ADAM29: variants seen among roughly 807,000 people sequenced by gnomAD.
The protein encoded by ADAM29 is ADAM metallopeptidase domain 29, also known as disintegrin and metalloproteinase domain-containing protein 29.
For synonymous variants in ADAM29, 367 were observed against 342.3 expected (o/e 1.07, Z -0.80); for missense variants, 969 against 1,001.8 (o/e 0.97, Z 0.44).
intron 4 of ADAM29, among the ~76,000 whole-genome samples, chr4:174,959,166 A>G (rs1745670351): frequency 6.6e-6 from 1 of 151,728 alleles, no homozygotes. Flanking sequence ...TTCTGCTGTC[A>G]ATGTCATTAG....
intron 4 of ADAM29, among the ~76,000 whole-genome samples, chr4:174,945,846 T>A (rs1421425869): frequency 3.3e-5 from 5 of 152,170 alleles, no homozygotes; most frequent in Non-Finnish European, 7.4e-5. Flanking sequence ...ATTTCTTTAA[T>A]CTATGTGTCT....
At chr4:174,939,252 G>A (rs1420580783) in intron 4 of ADAM29, among the ~76,000 whole-genome samples, 4 of 152,090 alleles carry the variant, frequency 2.6e-5, no homozygotes, top group Non-Finnish European at 2.9e-5. Context: ...TACTCATAAA[G>A]ATATACTTTC....
chr4:174,973,808 G>A (rs1203267880), intron 4 of ADAM29, among the ~76,000 whole-genome samples: 1 of 152,130 alleles, frequency 6.6e-6, no homozygotes, highest in Non-Finnish European at 1.5e-5. Context: ...CCACTTTGAC[G>A]CCTGAAGATG....
At chr4:174,927,204 C>T (rs1743570636) in intron 2 of ADAM29, among the ~76,000 whole-genome samples, 1 of 152,178 alleles carries the variant, frequency 6.6e-6, no homozygotes, top group Admixed American at 6.5e-5. Context: ...GTTCATTATA[C>T]ACTCGCTATC....
chr4:174,952,350 CCACACACA>C (rs70947476), intron 4 of ADAM29, among the ~76,000 whole-genome samples: 88 of 144,972 alleles, frequency 6.1e-4, no homozygotes, highest in Middle Eastern at 3.6e-3. Context: ...AGTGCAATAA[CCACACACA>C]CACACACACA....
chr4:174,937,802 G>A (rs945221094), intron 4 of ADAM29, among the ~76,000 whole-genome samples: 2 of 151,994 alleles, frequency 1.3e-5, no homozygotes, highest in Non-Finnish European at 2.9e-5. Context: ...CATATAAGAA[G>A]GATCTCAGAA....
intron 2 of ADAM29, among the ~76,000 whole-genome samples, chr4:174,923,374 C>A (rs1743278533): frequency 6.6e-6 from 1 of 151,654 alleles, no homozygotes; most frequent in African/African-American, 2.4e-5. Context: ...ACAATTATAA[C>A]TTAAATGGCC....
At chr4:174,973,592 T>C (rs910256848) in intron 4 of ADAM29, among the ~76,000 whole-genome samples, 3 of 152,208 alleles carry the variant, frequency 2.0e-5, no homozygotes, top group African/African-American at 7.2e-5. Flanking sequence ...ACTTTCTATT[T>C]TAGAAGATAG....
intron 3 of ADAM29, among the ~76,000 whole-genome samples, chr4:174,935,176 G>T (rs1468155870): frequency 1.3e-5 from 2 of 152,176 alleles, no homozygotes; most frequent in Admixed American, 6.6e-5. Flanking sequence ...AACTTCCTTA[G>T]ATAAGATCTC....
intron 4 of ADAM29, among the ~76,000 whole-genome samples, chr4:174,962,966 C>T (rs1265964404): frequency 6.6e-6 from 1 of 152,056 alleles, no homozygotes; most frequent in Non-Finnish European, 1.5e-5. Flanking sequence ...CCACCCAAAT[C>T]CACTGAAAAA....
At chr4:174,941,430 T>A (rs917817640) in intron 4 of ADAM29, among the ~76,000 whole-genome samples, 2 of 152,200 alleles carry the variant, frequency 1.3e-5, no homozygotes, top group African/African-American at 2.4e-5. Flanking sequence ...GACTGGCTAA[T>A]TTATAAAGAA....
At chr4:174,949,742 C>G (rs1745065289) in intron 4 of ADAM29, among the ~76,000 whole-genome samples, 1 of 152,118 alleles carries the variant, frequency 6.6e-6, no homozygotes, top group Non-Finnish European at 1.5e-5. Context: ...CGTCCTATTT[C>G]TGTTTCTGAA....
chr4:174,941,900 G>A (rs1179888884), intron 4 of ADAM29, among the ~76,000 whole-genome samples: 1 of 152,090 alleles, frequency 6.6e-6, no homozygotes, highest in African/African-American at 2.4e-5. Context: ...AAAAAAGTTA[G>A]TTACTTTCAA....
Position 174,975,548 on chromosome 4 carries a change from A to G in ADAM29, c.23A>G (p.His8Arg). Residue 8 changes from histidine to arginine, a missense_variant, in exon 5 of 5, where the codon CAT becomes CGT. Coordinates refer to ENST00000359240, the MANE Select transcript of ADAM29 (RefSeq NM_014269.4). The part of the protein sequence containing the change: MKMLLLL[H>R]CLGVFLSCSG... The stretch of plus-strand genomic sequence containing the variant: ...AACATGAAGATGTTACTCCTGCTGC[A>G]TTGCCTTGGGGTGTTTCTGTCCTGT... 4 of 1,514,296 alleles carry G rather than the reference A, an allele frequency of 2.6e-6. No homozygotes were observed. The highest frequency in any genetic ancestry group is 3.5e-6 in the Non-Finnish European group (4 of 1,131,566). 93.8% of individuals were successfully genotyped at this position (1,514,296 alleles called of 1,614,324 possible). A position where few individuals can be genotyped will look rare whatever the true frequency, so the allele number is the denominator to read the frequency against.
At position 174,935,160 on chromosome 4, in the gene ADAM29, C is replaced by T. The variant is rs187651969; in HGVS notation, c.-261-1773C>T. On this transcript the variant is annotated intron_variant, in intron 3 of 4. Transcript: ENST00000359240. ...AATTGAGGAGCCCTTGTTTGGAAAACCAGTTAACTTCCTTAGATAAGATCT... is the reference window on the plus strand; with the variant it reads ...AATTGAGGAGCCCTTGTTTGGAAAATCAGTTAACTTCCTTAGATAAGATCT... 1.2e-4 allele frequency among the ~76,000 whole-genome samples: 19 copies of T among 152,184 alleles called. No homozygotes were observed. The East Asian group carries it at 3.7e-3, about 29-fold the overall frequency.
At chr4:174,953,486 T>C (rs1010009371) in intron 4 of ADAM29, among the ~76,000 whole-genome samples, 2 of 152,196 alleles carry the variant, frequency 1.3e-5, no homozygotes, top group African/African-American at 4.8e-5. Context: ...CCTACAGATT[T>C]CAAAAGATTT....
Position 174,923,519 on chromosome 4 carries a change from T to TGATATATA in ADAM29, c.-451+2727_-451+2728insGATATATA, listed in dbSNP as rs546026641. Among the ~76,000 whole-genome samples the TGATATATA allele has an allele frequency of 9.5e-4, 35 of 36,764 alleles. 1 individual carries two copies. The highest frequency in any genetic ancestry group is 1.7e-3 in the African/African-American group (30 of 17,192). 24.1% of individuals were successfully genotyped at this position (36,764 alleles called of 152,430 possible). A position where few individuals can be genotyped will look rare whatever the true frequency, so the allele number is the denominator to read the frequency against. On this transcript the variant is annotated intron_variant, in intron 2 of 4. Coordinates refer to ENST00000359240, the MANE Select transcript of ADAM29 (RefSeq NM_014269.4). ...TGCATCATCCCCTATATACTGTGCA[T>TGATATATA]TATATGTATATATATATATATATAT...
intron 2 of ADAM29, among the ~76,000 whole-genome samples, chr4:174,928,451 G>C (rs916819965): frequency 6.6e-6 from 1 of 151,780 alleles, no homozygotes; most frequent in African/African-American, 2.4e-5. Context: ...TTAGCCCTGG[G>C]GGAGCTGTGC....
intron 4 of ADAM29, among the ~76,000 whole-genome samples, chr4:174,967,294 A>T (rs897789568): frequency 1.3e-5 from 2 of 151,944 alleles, no homozygotes; most frequent in African/African-American, 4.8e-5. Flanking sequence ...TTGAGGTAAC[A>T]AGATTTTTCT....
Sources: gnomAD v4.1 joint callset for allele counts (sites outside exome capture counted in the v4.1 genomes callset) on GRCh38, gnomAD v4.1.1 for gene constraint, MANE v1.5 for transcripts, NCBI Gene and HGNC (gene_info 2026-07-23, HGNC 2026-07-21) for gene names.